The following AOPEP variants were observed in gnomAD, a reference collection of about 807,000 sequenced individuals.
AOPEP encodes aminopeptidase O.
In AOPEP, 77 loss-of-function variants were observed where a neutral mutation model predicts 98.1. The ratio of observed to expected loss-of-function variants is 0.78; its 90% CI spans 0.65 to 0.95. AOPEP has a LOEUF of 0.95. Ranked by LOEUF, AOPEP falls within the 40% of genes least tolerant of loss-of-function variation. AOPEP has a pLI of 0.00. For synonymous variants in AOPEP, 346 were observed against 365.3 expected, an observed-to-expected ratio of 0.95 and a Z score of 0.60; for missense variants, 1,024 against 1,024.7, an observed-to-expected ratio of 1.00 and a Z score of 0.01.
intron 5 of AOPEP, among the ~76,000 whole-genome samples, chr9:94,804,068 G>A (rs557768977): frequency 3.5e-4 from 54 of 152,180 alleles, no homozygotes; most frequent in African/African-American, 9.9e-4. Flanking sequence ...TTGTGTCCTC[G>A]TATGTTCTCA....
At chr9:95,070,360 C>G (rs994372142) in intron 14 of AOPEP, among the ~76,000 whole-genome samples, 1 of 152,180 alleles carries the variant, frequency 6.6e-6, no homozygotes, top group Non-Finnish European at 1.5e-5. Context: ...TAAAATGGAA[C>G]TCTAAATGAG....
chr9:94,827,430 G>A (rs1854884164), intron 5 of AOPEP, among the ~76,000 whole-genome samples: 2 of 152,146 alleles, frequency 1.3e-5, no homozygotes, highest in African/African-American at 2.4e-5. Context: ...TAGTTTCTTA[G>A]AACATTCTAA....
intron 5 of AOPEP, among the ~76,000 whole-genome samples, chr9:94,870,790 G>A (rs573889522): frequency 6.6e-6 from 1 of 152,340 alleles, no homozygotes; most frequent in Admixed American, 6.5e-5. Context: ...GGTTTCTAAG[G>A]AAGAGCCAGA....
At chr9:94,984,932 G>A (rs919310839) in intron 11 of AOPEP, among the ~76,000 whole-genome samples, 1 of 152,206 alleles carries the variant, frequency 6.6e-6, no homozygotes, top group South Asian at 2.1e-4. Flanking sequence ...GGTACGGGGC[G>A]GGAGTGCTGG....
At chr9:94,978,624 C>T (rs2059993345) in intron 10 of AOPEP, among the ~76,000 whole-genome samples, 2 of 152,014 alleles carry the variant, frequency 1.3e-5, no homozygotes, top group African/African-American at 2.4e-5. Context: ...TGGGTATGAG[C>T]AAGAGTTACC....
chr9:94,788,492 GT>G (rs1272294199), intron 3 of AOPEP, among the ~76,000 whole-genome samples: 247 of 142,550 alleles, frequency 1.7e-3, no homozygotes, highest in East Asian at 0.012. Flanking sequence ...CTTATGCTTT[GT>G]TTTTTTTTTT....
At chr9:94,985,594 C>T (rs956007935) in intron 11 of AOPEP, among the ~76,000 whole-genome samples, 20 of 152,034 alleles carry the variant, frequency 1.3e-4, no homozygotes, top group Admixed American at 2.6e-4. Flanking sequence ...AATGGTCAGT[C>T]AAGAAAACTG....
intron 5 of AOPEP, among the ~76,000 whole-genome samples, chr9:94,858,741 T>C (rs1235977855): frequency 6.6e-6 from 1 of 152,132 alleles, no homozygotes; most frequent in Non-Finnish European, 1.5e-5. Flanking sequence ...TCATTAATGC[T>C]ATAAGTGCTT....
intron 2 of AOPEP, among the ~76,000 whole-genome samples, chr9:94,767,637 C>G (rs1041345096): frequency 1.3e-5 from 2 of 152,190 alleles, no homozygotes; most frequent in African/African-American, 2.4e-5. Context: ...GTACACAATC[C>G]TATACCCACA....
chr9:94,756,599 G>T (rs1837109425), intron 1 of AOPEP, among the ~76,000 whole-genome samples: 1 of 152,176 alleles, frequency 6.6e-6, no homozygotes, highest in Non-Finnish European at 1.5e-5. Context: ...AGTGGAAGGG[G>T]ATGGTGTTGA....
At chr9:94,924,893 C>T (rs1392152114) in intron 6 of AOPEP, among the ~76,000 whole-genome samples, 1 of 152,218 alleles carries the variant, frequency 6.6e-6, no homozygotes, top group African/African-American at 2.4e-5. Context: ...TGCACACGCT[C>T]CCAGTTTGCA....
intron 7 of AOPEP, chr9:94,932,026 T>C (rs2055406282): frequency 4.2e-6 from 5 of 1,185,602 alleles, no homozygotes; most frequent in South Asian, 3.6e-5. Context: ...TAACCTCCTC[T>C]AGCTGATAAA....
At chr9:94,993,195 A>G (rs2061002299) in intron 11 of AOPEP, among the ~76,000 whole-genome samples, 1 of 152,220 alleles carries the variant, frequency 6.6e-6, no homozygotes, top group African/African-American at 2.4e-5. Flanking sequence ...ACGGGTCAGT[A>G]GTAACTGCAG....
At chr9:95,101,863 C>T in the AOPEP span, 1 of 1,613,812 alleles carries the variant, frequency 6.2e-7, no homozygotes, top group African/African-American at 1.3e-5. Context: ...GCAATCAGGA[C>T]AGAAGAGAAG....
Position 95,060,773 on chromosome 9 carries a change from TC to T in AOPEP, c.2197del (p.Gln733ArgfsTer51). 1 of 1,613,802 alleles carries T rather than the reference TC, an allele frequency of 6.2e-7. No individual in the cohort carries two copies. Among genetic ancestry groups the T allele is most frequent in the Non-Finnish European group, 8.5e-7 (1 of 1,179,718 alleles). The part of the protein sequence containing the change: ...KTLSPRTLQS[L>X]QRTYHLQDQD... ...CTGAGCCCCCGAACTCTGCAAAGCC[TC>T]CAGAGGACATACCACCTCCAGGATC... On this transcript the variant is annotated frameshift_variant, in exon 14 of 17. Transcript: ENST00000375315. LOFTEE classifies it high-confidence loss of function.
At chr9:95,004,552 C>T (rs552434944) in intron 11 of AOPEP, among the ~76,000 whole-genome samples, 22 of 152,286 alleles carry the variant, frequency 1.4e-4, no homozygotes, top group African/African-American at 5.3e-4. Context: ...GTTACTTTCC[C>T]TGCGCGAAAG....
rs1217893466 is a variant in AOPEP at position 95,005,561 on chromosome 9, TGAACCGGA to T, written c.2063_2070del (p.Asn688ThrfsTer14). ...CCTCAGGTCACGAAATGGATTGGAG[TGAACCGGA>T]GACCCCGAAAACGGAAGCGCAGGGA... On this transcript the variant is annotated frameshift_variant, in exon 13 of 17. Transcript: ENST00000375315. LOFTEE classifies it high-confidence loss of function. 6.2e-7 allele frequency: 1 copy of T among 1,613,654 alleles called. No homozygotes were observed. The highest frequency in any genetic ancestry group is 8.5e-7 in the Non-Finnish European group (1 of 1,179,932).
At chr9:94,735,450 G>A (rs1356510778) in intron 1 of AOPEP, among the ~76,000 whole-genome samples, 2 of 152,104 alleles carry the variant, frequency 1.3e-5, no homozygotes, top group African/African-American at 2.4e-5. Flanking sequence ...TCGATCTCCC[G>A]ACCTCGTGAT....
chr9:94,839,965 G>C (rs961065630), intron 5 of AOPEP, among the ~76,000 whole-genome samples: 2 of 152,088 alleles, frequency 1.3e-5, no homozygotes, highest in African/African-American at 4.8e-5. Flanking sequence ...TTGGTGCCTT[G>C]CTATGTTGTC....
Sources: allele counts gnomAD v4.1 joint callset (sites outside exome capture counted in the v4.1 genomes callset), GRCh38; gene constraint gnomAD v4.1.1; transcripts MANE v1.5; gene names NCBI Gene and HGNC (gene_info 2026-07-23, HGNC 2026-07-21).